Variants in TRDN observed in about 807,000 individuals in gnomAD.
TRDN encodes triadin, also known as triadin in skeletal muscle.
TRDN carries 161 observed loss-of-function variants against 149.7 expected under a neutral mutation model. That is an observed-to-expected ratio of 1.08 (90% CI 0.95 to 1.23). TRDN has a LOEUF of 1.23. TRDN is among the 50% of genes most tolerant of loss of function. TRDN has a pLI of 0.00. For synonymous variants in TRDN, 294 were observed against 250.5 expected (o/e 1.17, Z -1.64); for missense variants, 896 against 823.5 (o/e 1.09, Z -1.08).
rs186386187 is a variant in TRDN, at chr6:123,549,313, A to T, written c.233-701T>A. Among the ~76,000 whole-genome samples the T allele has an allele frequency of 2.8e-3, 424 of 152,158 alleles. 1 individual carries two copies. Among genetic ancestry groups the T allele is most frequent in the African/African-American group, 9.4e-3 (392 of 41,550 alleles). On this transcript the variant is annotated intron_variant, in intron 2 of 40. Coordinates refer to ENST00000334268, the MANE Select transcript of TRDN (RefSeq NM_006073.4). ...GAATCATAAAAAAATGCAAACAAAT[A>T]TATTAGGGATTTCCAAAATTTTATT...
intron 1 of TRDN, among the ~76,000 whole-genome samples, chr6:123,597,314 A>G (rs1186332993): frequency 2.0e-5 from 3 of 152,104 alleles, no homozygotes; most frequent in Non-Finnish European, 4.4e-5. Flanking sequence ...TCATGATTAA[A>G]CTTGAACAGG....
At chr6:123,345,930 T>G (rs1780229085) in intron 21 of TRDN, among the ~76,000 whole-genome samples, 1 of 152,086 alleles carries the variant, frequency 6.6e-6, no homozygotes, top group Non-Finnish European at 1.5e-5. Flanking sequence ...TGTGATTAGT[T>G]CCAGGAAGTT....
chr6:123,596,227 C>G (rs9490826), intron 1 of TRDN, among the ~76,000 whole-genome samples: 5 of 152,068 alleles, frequency 3.3e-5, no homozygotes, highest in African/African-American at 7.2e-5. Context: ...ACACTCCCTT[C>G]AGCCAAAGCC....
chr6:123,265,684 T>A (rs1257738507), intron 32 of TRDN, among the ~76,000 whole-genome samples: 1 of 107,402 alleles, frequency 9.3e-6, no homozygotes, highest in African/African-American at 3.8e-5. Context: ...CCACAGTCCT[T>A]TTGGAATACA....
intron 12 of TRDN, among the ~76,000 whole-genome samples, chr6:123,401,026 G>T (rs923753155): frequency 6.6e-6 from 1 of 152,076 alleles, no homozygotes. Context: ...ATGTTATTGC[G>T]TGAAAAAGTG....
chr6:123,283,766 C>A (rs1219439941), intron 24 of TRDN, among the ~76,000 whole-genome samples: 1 of 149,852 alleles, frequency 6.7e-6, no homozygotes, highest in Non-Finnish European at 1.5e-5. Context: ...TTAGAAACCC[C>A]CAACAGATCA....
chr6:123,426,260 TAGAG>T (rs2114557680), intron 12 of TRDN, among the ~76,000 whole-genome samples: 1 of 152,220 alleles, frequency 6.6e-6, no homozygotes, highest in Admixed American at 6.6e-5. Context: ...ATTTGGCTGA[TAGAG>T]AAGAAGGGTA....
chr6:123,398,385 T>C (rs1772821102), intron 12 of TRDN, among the ~76,000 whole-genome samples: 1 of 152,212 alleles, frequency 6.6e-6, no homozygotes, highest in East Asian at 1.9e-4. Context: ...GTTAAATTCA[T>C]GTTTATTAAT....
chr6:123,223,007 G>A (rs1050360310), intron 39 of TRDN, among the ~76,000 whole-genome samples: 3 of 151,716 alleles, frequency 2.0e-5, no homozygotes, highest in Admixed American at 6.6e-5. Flanking sequence ...CATATGTTGA[G>A]GAGCTTGCAG....
At chr6:123,522,758 C>T (rs1434044870) in intron 5 of TRDN, among the ~76,000 whole-genome samples, 1 of 151,984 alleles carries the variant, frequency 6.6e-6, no homozygotes, top group Non-Finnish European at 1.5e-5. Context: ...TGTAGGAATC[C>T]AGTAGAGATT....
intron 36 of TRDN, 111 bp downstream of exon 36, chr6:123,255,756 C>T: frequency 9.1e-6 from 5 of 548,420 alleles, no homozygotes; most frequent in Non-Finnish European, 1.5e-5. Context: ...GGCTAACACT[C>T]ATCACATACA....
chr6:123,253,714 A>C (rs572977846), intron 37 of TRDN, among the ~76,000 whole-genome samples: 2 of 152,246 alleles, frequency 1.3e-5, no homozygotes, highest in East Asian at 3.9e-4. Context: ...TGTTTTCCCA[A>C]GATGAAGACT....
intron 23 of TRDN, among the ~76,000 whole-genome samples, chr6:123,327,208 C>T (rs1395725645): frequency 6.6e-6 from 1 of 151,918 alleles, no homozygotes; most frequent in African/African-American, 2.4e-5. Flanking sequence ...TTTCTGGGCT[C>T]GCTGTTATGT....
At position 123,497,245 on chromosome 6, in the gene TRDN, A is replaced by G; in HGVS notation, c.801T>C (p.Tyr267=). The change falls in exon 9 of 41, where the codon TAT becomes TAC. Residue 267 remains tyrosine, a synonymous_variant. Coordinates refer to ENST00000334268, the MANE Select transcript of TRDN (RefSeq NM_006073.4). ...TGTCAATCATATATCGACAGAATGCATACTGATCTGACAGAGTAGAAAGAA... is the reference window on the plus strand; with the variant it reads ...TGTCAATCATATATCGACAGAATGCGTACTGATCTGACAGAGTAGAAAGAA... ...AVSKHEQKDQ[Y]AFCRYMIDIF... The G allele has an allele frequency of 6.5e-7, 1 of 1,544,040 alleles. No individual in the cohort carries two copies.
chr6:123,335,082 C>T (rs1008199504), intron 22 of TRDN, among the ~76,000 whole-genome samples: 1 of 151,932 alleles, frequency 6.6e-6, no homozygotes, highest in Non-Finnish European at 1.5e-5. Flanking sequence ...AAAACAATAA[C>T]ACTGCAGAGG....
At position 123,625,604 on chromosome 6, in the gene TRDN, A is replaced by G. The variant is rs147107235; in HGVS notation, c.22+11150T>C. 8.3e-4 allele frequency among the ~76,000 whole-genome samples: 126 copies of G among 152,278 alleles called. 1 individual carries two copies. The highest frequency in any genetic ancestry group is 2.9e-3 in the African/African-American group (119 of 41,554). On this transcript the variant is annotated intron_variant, in intron 1 of 40. Transcript: ENST00000334268. ...AAAATAACTAAAAGAGTATAACTGG[A>G]CTGTTTCTAACACAAAGAAAGGATA...
chr6:123,316,049 G>T (rs1176142890), intron 24 of TRDN, among the ~76,000 whole-genome samples: 1 of 151,784 alleles, frequency 6.6e-6, no homozygotes, highest in Non-Finnish European at 1.5e-5. Context: ...GTTGAAAGTA[G>T]GTAAATACAG....
intron 20 of TRDN, among the ~76,000 whole-genome samples, chr6:123,354,991 A>G (rs191297173): frequency 5.3e-5 from 8 of 151,938 alleles, no homozygotes; most frequent in Non-Finnish European, 7.4e-5. Flanking sequence ...ATGCAGTAGT[A>G]TCACATTTTG....
intron 12 of TRDN, among the ~76,000 whole-genome samples, chr6:123,426,271 G>A (rs1489562390): frequency 6.6e-6 from 1 of 151,996 alleles, no homozygotes; most frequent in African/African-American, 2.4e-5. Context: ...AGAGAAGAAG[G>A]GTAAAAAGGT....
Sources: gnomAD v4.1 joint callset for allele counts (sites outside exome capture counted in the v4.1 genomes callset) on GRCh38, gnomAD v4.1.1 for gene constraint, MANE v1.5 for transcripts, NCBI Gene and HGNC (gene_info 2026-07-23, HGNC 2026-07-21) for gene names.